SECISBP2: variants seen among roughly 807,000 people sequenced by gnomAD.
SECISBP2 encodes the protein selenocysteine insertion sequence-binding protein 2.
Under a neutral mutation model 98.2 loss-of-function variants are expected in SECISBP2, and 96 were observed. The observed-to-expected ratio is 0.98, with a 90% CI of 0.83 to 1.16. The LOEUF (loss-of-function observed/expected upper bound fraction) is 1.16, where lower values mean the gene tolerates loss of function less well. SECISBP2 is among the 50% of genes most tolerant of loss of function. The pLI is 0.00. For missense variants in SECISBP2, 1,046 were observed against 1,022.9 expected, an observed-to-expected ratio of 1.02 and a Z score of -0.31; for synonymous variants, 407 against 370.2, an observed-to-expected ratio of 1.10 and a Z score of -1.14.
At chr9:89,357,067 T>TC (rs1832199334) in intron 14 of SECISBP2, 1 of 365,120 alleles carries the variant, frequency 2.7e-6, no homozygotes, top group African/African-American at 2.1e-5. Context: ...AACTTAACCT[T>TC]TCTGTGCCTC....
intron 10 of SECISBP2, among the ~76,000 whole-genome samples, chr9:89,346,378 A>T (rs2131915944): frequency 6.6e-6 from 1 of 152,352 alleles, no homozygotes; most frequent in East Asian, 1.9e-4. Flanking sequence ...AAGAGAATTA[A>T]CTAGAAATAT....
At chr9:89,344,938 A>T (rs1830214530) in intron 10 of SECISBP2, among the ~76,000 whole-genome samples, 1 of 152,222 alleles carries the variant, frequency 6.6e-6, no homozygotes, top group Admixed American at 6.5e-5. Context: ...TTTCATATTT[A>T]TGATTTTAGG....
At position 89,359,065 on chromosome 9, in the gene SECISBP2, C is replaced by T; in HGVS notation, c.*241C>T. ...TAAAAGCCTGGTGATACAGCTCTGG[C>T]TTTCTGAGCACACTACGGATCTGGA... On this transcript the variant is annotated 3_prime_UTR_variant, in exon 17 of 17. Transcript: ENST00000375807. The T allele has an allele frequency of 1.9e-6, 1 of 533,990 alleles. No homozygotes were observed. Among genetic ancestry groups the T allele is most frequent in the East Asian group, 3.4e-5 (1 of 29,364 alleles). 33.1% of individuals were successfully genotyped at this position (533,990 alleles called of 1,614,324 possible).
intron 7 of SECISBP2, among the ~76,000 whole-genome samples, chr9:89,335,006 A>G (rs1390897807): frequency 2.6e-5 from 4 of 152,152 alleles, no homozygotes; most frequent in Non-Finnish European, 5.9e-5. Context: ...CGAGGTCAGG[A>G]GATGGAGACC....
intron 13 of SECISBP2, among the ~76,000 whole-genome samples, 177 bp from the exon 14 acceptor site, chr9:89,350,455 A>G (rs1276241710): frequency 6.6e-6 from 1 of 152,212 alleles, no homozygotes; most frequent in Non-Finnish European, 1.5e-5. Flanking sequence ...ATGCCCCAGT[A>G]TTTACCTTTC....
rs371369485 is a variant in SECISBP2 at position 89,337,674 on chromosome 9, T to C, written c.1090-784T>C. Among the ~76,000 whole-genome samples the C allele has an allele frequency of 2.0e-4, 30 of 152,372 alleles. No homozygotes were observed. In the East Asian group the frequency reaches 3.5e-3, roughly 18 times the overall value. ...TAAGCATATTCTTTTTAATAGCTGC[T>C]GAGACTTTTACTTCTGAAGTGTAAA... is the stretch of plus-strand genomic sequence containing the variant. On this transcript the variant is annotated intron_variant, in intron 7 of 16. Transcript: ENST00000375807.
intron 7 of SECISBP2, among the ~76,000 whole-genome samples, chr9:89,337,801 A>G (rs192985049): frequency 3.3e-5 from 5 of 152,364 alleles, no homozygotes; most frequent in Non-Finnish European, 4.4e-5. Context: ...AGACAGATGT[A>G]GGACATGTCA....
chr9:89,325,738 A>G lies in SECISBP2; in HGVS notation c.432+62A>G. ...GGTTGCTTTAATGTTTAAAATGTAA[A>G]GAAATGGTAAATTTGTACATCATAT... On this transcript the variant is annotated intron_variant, in intron 3 of 16. Coordinates refer to ENST00000375807, the MANE Select transcript of SECISBP2 (RefSeq NM_024077.5). 9 of 1,609,948 alleles carry G rather than the reference A, an allele frequency of 5.6e-6. 1 individual carries two copies. The South Asian group carries it at 9.9e-5, about 18-fold the overall frequency.
In SECISBP2 at chr9:89,325,492, C is replaced by A; in HGVS notation, c.248C>A (p.Ser83Tyr). Residue 83 changes from serine (S) to tyrosine (Y), a missense_variant, in exon 3 of 17, where the codon TCT becomes TAT. Coordinates refer to ENST00000375807, the MANE Select transcript of SECISBP2 (RefSeq NM_024077.5). The part of the protein sequence containing the change: ...ASTFPPQYLS[S>Y]EITLHPYAYS... ...ACTTTTCCACCTCAGTATTTATCTTCTGAGATAACTCTTCATCCATATGCC... is the reference window on the plus strand; with the variant it reads ...ACTTTTCCACCTCAGTATTTATCTTATGAGATAACTCTTCATCCATATGCC... 6.2e-7 allele frequency: 1 copy of A among 1,613,396 alleles called. No individual in the cohort carries two copies. Among genetic ancestry groups the A allele is most frequent in the Non-Finnish European group, 8.5e-7 (1 of 1,179,478 alleles).
chr9:89,348,704 A>G (rs985284692), intron 12 of SECISBP2, among the ~76,000 whole-genome samples: 1 of 152,260 alleles, frequency 6.6e-6, no homozygotes, highest in Non-Finnish European at 1.5e-5. Flanking sequence ...CAGCCCAGCA[A>G]TTGCTTGTGC....
At chr9:89,363,897 A>C, downstream of SECISBP2, 1 of 1,614,104 alleles carries the variant, frequency 6.2e-7, no homozygotes. Context: ...ACAGGGACAC[A>C]GGTCTCCAGA....
intron 8 of SECISBP2, among the ~76,000 whole-genome samples, chr9:89,339,518 TCTA>T (rs1227524088): frequency 7.2e-5 from 11 of 152,304 alleles, no homozygotes; most frequent in African/African-American, 2.6e-4. Flanking sequence ...AACATGTAAA[TCTA>T]CTGAATCTGG....
chr9:89,343,047 G>A (rs571517283), intron 10 of SECISBP2, among the ~76,000 whole-genome samples: 17 of 152,284 alleles, frequency 1.1e-4, no homozygotes, highest in African/African-American at 3.9e-4. Context: ...CTCCTTATCT[G>A]TAGAAGTGTC....
At chr9:89,318,878 C>G (rs1268000432) in intron 1 of SECISBP2, 5 of 1,247,218 alleles carry the variant, frequency 4.0e-6, no homozygotes, top group Admixed American at 4.3e-5. Context: ...CGGCCCAGCC[C>G]GGCGCTCCCC....
intron 16 of SECISBP2, 73 bp downstream of exon 16, chr9:89,358,264 G>A: frequency 2.0e-6 from 3 of 1,472,292 alleles, no homozygotes; most frequent in Non-Finnish European, 2.8e-6. Flanking sequence ...GAGTCCCTAG[G>A]TGAGCAGCTT....
intron 2 of SECISBP2, 26 bp downstream of exon 2, chr9:89,319,823 C>T (rs1587831260): frequency 1.9e-6 from 3 of 1,611,802 alleles, no homozygotes; most frequent in Admixed American, 1.7e-5. Flanking sequence ...AAAGTCTTAC[C>T]TAGGGGCTTA....
chr9:89,333,539 G>T lies in SECISBP2; in HGVS notation c.880+553G>T, dbSNP rs1437899088. 7.9e-5 allele frequency among the ~76,000 whole-genome samples: 12 copies of T among 152,128 alleles called. No individual in the cohort carries two copies. The South Asian group carries it at 2.5e-3, about 32-fold the overall frequency. ...TGTAGATCTGCCATGGCATTCACCT[G>T]CCTCACGGTCCTGCCTCATACAGCA... On this transcript the variant is annotated intron_variant, in intron 6 of 16. Transcript: ENST00000375807.
intron 1 of SECISBP2, chr9:89,318,907 C>T (rs1382775042): frequency 1.6e-6 from 2 of 1,231,312 alleles, no homozygotes; most frequent in African/African-American, 1.6e-5. Flanking sequence ...GGCGGGGGGA[C>T]TCTGGCGAGC....
intron 7 of SECISBP2, 137 bp from the exon 8 acceptor site, chr9:89,338,321 G>A: frequency 9.9e-7 from 1 of 1,007,662 alleles, no homozygotes; most frequent in Admixed American, 2.5e-5. Context: ...TAAAAAACAG[G>A]GGATGAGGAA....
Sources: gnomAD v4.1 joint callset for allele counts (sites outside exome capture counted in the v4.1 genomes callset) on GRCh38, gnomAD v4.1.1 for gene constraint, MANE v1.5 for transcripts, NCBI Gene and HGNC (gene_info 2026-07-23, HGNC 2026-07-21) for gene names.